The following MTA3 variants were observed in gnomAD, a reference collection of about 807,000 sequenced individuals.
MTA3 encodes metastasis-associated protein MTA3.
A neutral mutation model predicts 83.5 loss-of-function variants in MTA3; 34 were observed. That is an observed-to-expected ratio of 0.41 (90% CI 0.31 to 0.54). The LOEUF (loss-of-function observed/expected upper bound fraction) is 0.54, where lower values mean the gene tolerates loss of function less well. Ranked by LOEUF, MTA3 falls within the 20% of genes least tolerant of loss-of-function variation. The pLI is 0.33. For missense variants in MTA3, 761 were observed against 726.4 expected (o/e 1.05, Z -0.55); for synonymous variants, 303 against 252.7 (o/e 1.20, Z -1.89).
Position 42,708,042 on chromosome 2 carries a change from C to T in MTA3, c.1290C>T (p.Ser430=). ...TQSEEEKLSP[S]PTTEDPRVRS... ...CAGAAGAAGAGAAGTTATCTCCTAG[C>T]CCAACTACAGAGGTACAGTAGTCTT... Residue 430 remains serine, a synonymous_variant, in exon 13 of 17, where the codon AGC becomes AGT. Transcript: ENST00000405094. 1 of 1,608,646 alleles carries T rather than the reference C, an allele frequency of 6.2e-7. No individual in the cohort carries two copies. The highest frequency in any genetic ancestry group is 1.7e-4 in the Middle Eastern group (1 of 6,046).
At chr2:42,561,006 A>G (rs1182477374) in intron 2 of MTA3, among the ~76,000 whole-genome samples, 1 of 152,122 alleles carries the variant, frequency 6.6e-6, no homozygotes, top group Admixed American at 6.5e-5. Flanking sequence ...ACTTTTTACC[A>G]TGGCCCACCG....
At chr2:42,563,715 C>T (rs1429086906), upstream of MTA3, among the ~76,000 whole-genome samples, 1 of 152,132 alleles carries the variant, frequency 6.6e-6, no homozygotes, top group Non-Finnish European at 1.5e-5. Context: ...ATCTGCCCAC[C>T]TCGGCCTCCC....
At chr2:42,499,366 A>T (rs1341796161) in intron 2 of MTA3, among the ~76,000 whole-genome samples, 1 of 151,130 alleles carries the variant, frequency 6.6e-6, no homozygotes, top group African/African-American at 2.4e-5. Flanking sequence ...GGGTTTCTCC[A>T]TGTTGGTCAG....
chr2:42,608,751 A>G (rs1014451178), intron 3 of MTA3, among the ~76,000 whole-genome samples: 1 of 151,972 alleles, frequency 6.6e-6, no homozygotes, highest in African/African-American at 2.4e-5. Flanking sequence ...AGGTGTGGTG[A>G]TGTACGCCTG....
chr2:42,724,423 G>A (rs1667670599), intron 16 of MTA3, among the ~76,000 whole-genome samples: 1 of 151,752 alleles, frequency 6.6e-6, no homozygotes, highest in Non-Finnish European at 1.5e-5. Context: ...GCTGAAGCAG[G>A]AGGATCACTT....
At chr2:42,736,991 T>C (rs192252114) in intron 16 of MTA3, among the ~76,000 whole-genome samples, 1 of 152,300 alleles carries the variant, frequency 6.6e-6, no homozygotes, top group African/African-American at 2.4e-5. Context: ...GCTGAGCCAG[T>C]ATCAAAGTTG....
Position 42,754,021 on chromosome 2 carries a change from C to G in MTA3, c.*622C>G. On this transcript the variant is annotated 3_prime_UTR_variant, in exon 17 of 17. Coordinates refer to ENST00000405094, the MANE Select transcript of MTA3 (RefSeq NM_001330442.2). Reference sequence around the variant, plus strand: ...ATATGTGACCCTCCCTCCTACTCCTCCAAGGAACAGAATTACCGAGGTTCT... The same window carrying G: ...ATATGTGACCCTCCCTCCTACTCCTGCAAGGAACAGAATTACCGAGGTTCT... The G allele has an allele frequency of 2.0e-6, 2 of 985,520 alleles. No homozygotes were observed. The highest frequency in any genetic ancestry group is 1.7e-5 in the African/African-American group (1 of 57,358). The allele number at this position is 985,520 out of a possible 1,614,324, so 61.0% of individuals were successfully genotyped here. A position where few individuals can be genotyped will look rare whatever the true frequency, so the allele number is the denominator to read the frequency against.
intron 3 of MTA3, among the ~76,000 whole-genome samples, chr2:42,592,267 C>T (rs1474811607): frequency 3.3e-5 from 5 of 149,944 alleles, no homozygotes; most frequent in South Asian, 4.2e-4. Flanking sequence ...ATCTCAAAAA[C>T]AAAACAAAAC....
At chr2:42,728,315 C>A (rs1667967635) in intron 16 of MTA3, among the ~76,000 whole-genome samples, 1 of 152,000 alleles carries the variant, frequency 6.6e-6, no homozygotes, top group African/African-American at 2.4e-5. Context: ...GTATATGTAC[C>A]ACATTTTCTT....
rs11352685 is a variant in MTA3 at position 42,603,107 on chromosome 2, CTT to C, written c.191-6334_191-6333del. 6.7e-3 allele frequency among the ~76,000 whole-genome samples: 857 copies of C among 128,222 alleles called. 7 individuals are homozygous for C. Among genetic ancestry groups the C allele is most frequent in the African/African-American group, 0.017 (584 of 33,526 alleles). The allele number at this position is 128,222 out of a possible 152,430, so 84.1% of individuals were successfully genotyped here. On this transcript the variant is annotated intron_variant, in intron 3 of 16. Transcript: ENST00000405094. ...GTTGGTAGGCACATCAATAAATTTACTTTTTTTTTTTTTTTTTTGCTGGGGGT... is the reference window on the plus strand; with the variant it reads ...GTTGGTAGGCACATCAATAAATTTACTTTTTTTTTTTTTTTTGCTGGGGGT...
At position 42,537,676 on chromosome 2, in the gene MTA3, A is replaced by T. The variant is rs1371989739; in HGVS notation, c.-140-32761A>T. ...AGAGGCTGAGGAGCTATGACAACGA[A>T]ATGCATTGCGTAATCATTTATTGAT... On this transcript the variant is annotated intron_variant, in intron 2 of 17. Coordinates refer to the MTA3 transcript ENST00000405592. Among the ~76,000 whole-genome samples, 3 of 152,332 alleles carry T rather than the reference A, an allele frequency of 2.0e-5. No individual in the cohort carries two copies. The East Asian group carries it at 5.8e-4, about 29-fold the overall frequency.
chr2:42,674,299 C>T (rs1207833475), intron 8 of MTA3, among the ~76,000 whole-genome samples: 1 of 152,246 alleles, frequency 6.6e-6, no homozygotes, highest in African/African-American at 2.4e-5. Context: ...ATAGTCCAAT[C>T]TACCCATAGT....
At chr2:42,651,776 G>A (rs112949766) in intron 6 of MTA3, among the ~76,000 whole-genome samples, 2,053 of 150,670 alleles carry the variant, frequency 0.014, 23 homozygotes, top group Middle Eastern at 0.062. Context: ...CTCCAGCCTG[G>A]GTGACAGAGC....
rs761007991 is a variant in MTA3, at chr2:42,633,662, C to T, written c.318-6511C>T. Reference sequence around the variant, plus strand: ...ATCCCAGCACTTTGGGAGGCCGAGGCGGGCGGATCACAAGGTCAGGAGATC... The same window carrying T: ...ATCCCAGCACTTTGGGAGGCCGAGGTGGGCGGATCACAAGGTCAGGAGATC... On this transcript the variant is annotated intron_variant, in intron 4 of 16. Coordinates refer to ENST00000405094, the MANE Select transcript of MTA3 (RefSeq NM_001330442.2). Among the ~76,000 whole-genome samples the T allele has an allele frequency of 1.1e-4, 16 of 151,918 alleles. No homozygotes were observed. The South Asian group carries it at 1.5e-3, about 14-fold the overall frequency.
intron 4 of MTA3, among the ~76,000 whole-genome samples, chr2:42,611,519 GT>G (rs1419528822): frequency 6.6e-6 from 1 of 152,070 alleles, no homozygotes; most frequent in African/African-American, 2.4e-5. Flanking sequence ...TCATGTCATT[GT>G]TTTTATTTGG....
At chr2:42,597,819 T>TACTCAGAC (rs2103979199) in intron 3 of MTA3, among the ~76,000 whole-genome samples, 1 of 151,616 alleles carries the variant, frequency 6.6e-6, no homozygotes, top group South Asian at 2.1e-4. Context: ...TAGCTGGGAC[T>TACTCAGAC]ACAGTTGTGT....
At chr2:42,701,421 T>C (rs1312224550) in intron 11 of MTA3, among the ~76,000 whole-genome samples, 2 of 51,034 alleles carry the variant, frequency 3.9e-5, no homozygotes, top group Non-Finnish European at 3.1e-5. Flanking sequence ...CCTGTATCTA[T>C]CAAAAAAAAA....
chr2:42,515,852 T>G (rs1456545181), intron 2 of MTA3, among the ~76,000 whole-genome samples: 1 of 150,832 alleles, frequency 6.6e-6, no homozygotes, highest in Non-Finnish European at 1.5e-5. Flanking sequence ...TTTTTTTTTT[T>G]TTTGAGACAA....
intron 2 of MTA3, among the ~76,000 whole-genome samples, chr2:42,517,879 A>AAAAAAG (rs1553336635): frequency 4.0e-5 from 6 of 150,972 alleles, no homozygotes; most frequent in African/African-American, 1.5e-4. Flanking sequence ...AAAAAAAAAA[A>AAAAAAG]AAGAAGAAAA....
Sources: gnomAD v4.1 joint callset for allele counts (sites outside exome capture counted in the v4.1 genomes callset) on GRCh38, gnomAD v4.1.1 for gene constraint, MANE v1.5 for transcripts, NCBI Gene and HGNC (gene_info 2026-07-23, HGNC 2026-07-21) for gene names.